COL22A1: variants seen among roughly 807,000 people sequenced by gnomAD.
The protein encoded by COL22A1 is collagen alpha-1(XXII) chain.
COL22A1 carries 221 observed loss-of-function variants against 248.9 expected under a neutral mutation model. The ratio of observed to expected loss-of-function variants is 0.89; its 90% confidence interval spans 0.80 to 0.99. The LOEUF (loss-of-function observed/expected upper bound fraction) is 0.99. Ranked by LOEUF, COL22A1 falls within the 50% of genes least tolerant of loss-of-function variation. The pLI, the probability that COL22A1 is intolerant of heterozygous loss-of-function variation, is 0.00. For synonymous variants in COL22A1, 891 were observed against 793.4 expected (o/e 1.12, Z -2.07); for missense variants, 2,240 against 2,179.0 (o/e 1.03, Z -0.56).
intron 4 of COL22A1, among the ~76,000 whole-genome samples, chr8:138,837,140 C>T (rs1820498159): frequency 2.0e-5 from 3 of 152,186 alleles, no homozygotes; most frequent in Admixed American, 6.5e-5. Context: ...AGGAGTTACT[C>T]GGTCAACCCC....
chr8:138,700,002 C>T (rs1000632620), intron 32 of COL22A1, 110 bp downstream of exon 32: 30 of 987,246 alleles, frequency 3.0e-5, no homozygotes, highest in Middle Eastern at 2.2e-4. Context: ...CAGTGATGAA[C>T]GCGATGGGGC....
At chr8:138,593,990 G>A in intron 63 of COL22A1, 27 bp downstream of exon 63, 1 of 1,507,492 alleles carries the variant, frequency 6.6e-7, no homozygotes, top group South Asian at 1.3e-5. Flanking sequence ...AGTACACGGA[G>A]CATATCTCCT....
rs566519736 is a variant in COL22A1, at chr8:138,882,592, TCA to T, written c.91+488_91+489del. The stretch of plus-strand genomic sequence containing the variant: ...CACACACTCCCACACACTGTCAAAC[TCA>T]CACACTCCCTCACACTCCCACACAC... On this transcript the variant is annotated intron_variant, in intron 2 of 64. Coordinates refer to ENST00000303045, the MANE Select transcript of COL22A1 (RefSeq NM_152888.3). Among the ~76,000 whole-genome samples the T allele has an allele frequency of 1.1e-4, 13 of 118,690 alleles. No individual in the cohort carries two copies. The East Asian group carries it at 1.6e-3, about 14-fold the overall frequency. The allele number at this position is 118,690 out of a possible 152,430, so 77.9% of individuals were successfully genotyped here.
intron 1 of COL22A1, among the ~76,000 whole-genome samples, chr8:138,908,969 G>A: frequency 6.6e-6 from 1 of 152,076 alleles, no homozygotes; most frequent in East Asian, 1.9e-4. Context: ...GAAGAAGGTG[G>A]GCAAGAACCT....
intron 13 of COL22A1, among the ~76,000 whole-genome samples, chr8:138,780,040 T>G (rs6989719): frequency 0.42 from 63,972 of 152,106 alleles, 18,019 homozygotes; most frequent in African/African-American, 0.81. Flanking sequence ...GGGATTATAG[T>G]TGTGAGCCAC....
chr8:138,722,757 C>A (rs963122764), intron 25 of COL22A1, among the ~76,000 whole-genome samples: 2 of 151,260 alleles, frequency 1.3e-5, no homozygotes, highest in Admixed American at 6.6e-5. Flanking sequence ...CAAGGTTTAA[C>A]GGACTCCACC....
chr8:138,593,876 A>G (rs577660676), intron 63 of COL22A1, 141 bp downstream of exon 63: 5 of 573,564 alleles, frequency 8.7e-6, no homozygotes, highest in African/African-American at 3.9e-5. Flanking sequence ...ATAAAATTAT[A>G]TGATGCCAAA....
intron 43 of COL22A1, among the ~76,000 whole-genome samples, chr8:138,661,703 A>C (rs1823976700): frequency 6.6e-6 from 1 of 152,170 alleles, no homozygotes; most frequent in African/African-American, 2.4e-5. Context: ...TCCCTGGAGA[A>C]GGCAGTGCCT....
intron 5 of COL22A1, chr8:138,827,053 A>C: frequency 2.4e-6 from 1 of 421,044 alleles, no homozygotes; most frequent in Non-Finnish European, 4.4e-6. Flanking sequence ...CACCACCACC[A>C]TGACTCTGAT....
intron 23 of COL22A1, 82 bp downstream of exon 23, chr8:138,737,442 C>T (rs1831209022): frequency 9.9e-7 from 1 of 1,006,436 alleles, no homozygotes; most frequent in Non-Finnish European, 1.6e-6. Context: ...TTCTGGCTGC[C>T]CACCTGAGAG....
chr8:138,612,793 C>G (rs544515258), intron 56 of COL22A1, among the ~76,000 whole-genome samples: 1 of 151,700 alleles, frequency 6.6e-6, no homozygotes, highest in Non-Finnish European at 1.5e-5. Flanking sequence ...AAATAATCAG[C>G]GGCGTGGTGG....
intron 35 of COL22A1, 100 bp from the exon 36 acceptor site, chr8:138,690,974 G>A: frequency 1.1e-6 from 1 of 900,858 alleles, no homozygotes; most frequent in South Asian, 2.0e-5. Context: ...TCACCGCAAT[G>A]TGCTGGAACT....
intron 27 of COL22A1, 47 bp downstream of exon 27, chr8:138,720,692 C>T (rs777100948): frequency 6.7e-7 from 1 of 1,485,078 alleles, no homozygotes. Context: ...CCCAAATAGA[C>T]CACTCAGAAT....
chr8:138,688,967 C>A lies in COL22A1; in HGVS notation c.2812G>T (p.Ala938Ser). 1 of 1,612,438 alleles carries A rather than the reference C, an allele frequency of 6.2e-7. No individual in the cohort carries two copies. Among genetic ancestry groups the A allele is most frequent in the Non-Finnish European group, 8.5e-7 (1 of 1,178,546 alleles). Residue 938 changes from alanine (A) to serine (S), a missense_variant, in exon 37 of 65, where the codon GCT becomes TCT. Transcript: ENST00000303045. ...GPSGPPGSVG[A>S]PGLRGTPGKD... The stretch of plus-strand genomic sequence containing the variant: ...CCTGGGGTGCCTCTGAGGCCGGGAG[C>A]ACCCTGTGGCAAGGAAGATTACGGA...
chr8:138,628,170 T>A (rs1029059142), intron 50 of COL22A1, among the ~76,000 whole-genome samples: 1 of 150,838 alleles, frequency 6.6e-6, no homozygotes, highest in African/African-American at 2.4e-5. Context: ...AAAATCAAAG[T>A]AAAGGGCTTT....
intron 3 of COL22A1, among the ~76,000 whole-genome samples, chr8:138,870,707 C>T (rs2132008616): frequency 6.6e-6 from 1 of 150,952 alleles, no homozygotes; most frequent in African/African-American, 2.4e-5. Context: ...ATCTATGTGG[C>T]ATGTGTGTAG....
chr8:138,714,845 A>G (rs1829306120), intron 30 of COL22A1, among the ~76,000 whole-genome samples: 1 of 152,144 alleles, frequency 6.6e-6, no homozygotes, highest in Non-Finnish European at 1.5e-5. Context: ...CCACACAAGC[A>G]ATGACACGCT....
At chr8:138,849,948 C>T (rs1236487341) in intron 3 of COL22A1, among the ~76,000 whole-genome samples, 2 of 152,152 alleles carry the variant, frequency 1.3e-5, no homozygotes, top group Non-Finnish European at 2.9e-5. Flanking sequence ...TACACACAGG[C>T]TCTCTTTTAA....
chr8:138,760,319 T>C (rs1193584702), intron 17 of COL22A1, 32 bp from the exon 18 acceptor site: 1 of 1,589,012 alleles, frequency 6.3e-7, no homozygotes, highest in Non-Finnish European at 8.6e-7. Flanking sequence ...CAGATTATGA[T>C]GGGCACTACG....
Sources: gnomAD v4.1 joint callset for allele counts (sites outside exome capture counted in the v4.1 genomes callset) on GRCh38, gnomAD v4.1.1 for gene constraint, MANE v1.5 for transcripts, NCBI Gene and HGNC (gene_info 2026-07-23, HGNC 2026-07-21) for gene names.